LPP: variants seen among roughly 807,000 people sequenced by gnomAD.
LPP encodes lipoma-preferred partner.
Under a neutral mutation model 60.4 loss-of-function variants are expected in LPP, and 38 were observed. The observed-to-expected ratio is 0.63, with a 90% CI of 0.49 to 0.83. The LOEUF is 0.83. Ranked by LOEUF, LPP falls within the 40% of genes least tolerant of loss-of-function variation. LPP has a pLI of 0.00. For missense variants in LPP, 902 were observed against 783.6 expected (o/e 1.15, Z -1.80); for synonymous variants, 328 against 290.8 (o/e 1.13, Z -1.30).
intron 1 of LPP, among the ~76,000 whole-genome samples, chr3:188,198,944 G>C (rs972187666): frequency 1.3e-5 from 2 of 152,172 alleles, no homozygotes; most frequent in African/African-American, 4.8e-5. Flanking sequence ...TACAACAATC[G>C]TTTAGTATGC....
intron 7 of LPP, among the ~76,000 whole-genome samples, chr3:188,704,685 C>A (rs1865128480): frequency 6.6e-6 from 1 of 152,132 alleles, no homozygotes; most frequent in Admixed American, 6.5e-5. Context: ...TGAGAACATG[C>A]AAATATATTC....
intron 5 of LPP, among the ~76,000 whole-genome samples, chr3:188,522,484 C>T (rs545592820): frequency 1.8e-4 from 27 of 152,266 alleles, no homozygotes; most frequent in Admixed American, 1.8e-3. Flanking sequence ...GCCTGTGTCA[C>T]AGTCTGTCAT....
chr3:188,770,830 A>G (rs897932088), intron 9 of LPP, among the ~76,000 whole-genome samples: 2 of 152,216 alleles, frequency 1.3e-5, no homozygotes, highest in African/African-American at 4.8e-5. Flanking sequence ...GCTATTCTGC[A>G]TTCTTCCCTT....
chr3:188,269,333 C>T (rs1035520152), intron 2 of LPP, among the ~76,000 whole-genome samples: 3 of 152,078 alleles, frequency 2.0e-5, no homozygotes, highest in East Asian at 1.9e-4. Context: ...TTGATTTCCC[C>T]GTCTCAAAAT....
chr3:188,183,633 G>A (rs1274438888), intron 1 of LPP, among the ~76,000 whole-genome samples: 1 of 152,026 alleles, frequency 6.6e-6, no homozygotes, highest in East Asian at 1.9e-4. Flanking sequence ...ACGTGGCAAA[G>A]CGGAATAGAA....
intron 4 of LPP, among the ~76,000 whole-genome samples, chr3:188,449,815 ATTATT>A (rs1294989333): frequency 6.6e-6 from 1 of 151,838 alleles, no homozygotes; most frequent in Non-Finnish European, 1.5e-5. Context: ...TATTATTATT[ATTATT>A]TTGAGACAGA....
At chr3:188,433,626 G>GAC (rs1318345744) in intron 4 of LPP, among the ~76,000 whole-genome samples, 2 of 131,538 alleles carry the variant, frequency 1.5e-5, no homozygotes, top group African/African-American at 6.2e-5. Context: ...GAGAGAGAGA[G>GAC]AGGAGAAAGG....
intron 2 of LPP, among the ~76,000 whole-genome samples, chr3:188,263,891 C>A (rs1255611818): frequency 6.6e-6 from 1 of 152,228 alleles, no homozygotes. Context: ...CCAAATCTTA[C>A]GCATTCTTTT....
intron 7 of LPP, among the ~76,000 whole-genome samples, chr3:188,667,142 A>G (rs1855951197): frequency 6.6e-6 from 1 of 152,114 alleles, no homozygotes; most frequent in South Asian, 2.1e-4. Flanking sequence ...AACAAGTGAA[A>G]TAGTCTCAGG....
In LPP at chr3:188,878,107, A is replaced by C; in HGVS notation, c.*3628A>C. On this transcript the variant is annotated 3_prime_UTR_variant, in exon 12 of 12. Coordinates refer to ENST00000617246, the MANE Select transcript of LPP (RefSeq NM_001375462.1). ...ATAGTAGAGAGTTAGTGGAATATAGACAGGACTCTGAAAACACAACTTCCA... is the reference window on the plus strand; with the variant it reads ...ATAGTAGAGAGTTAGTGGAATATAGCCAGGACTCTGAAAACACAACTTCCA... 1 of 221,330 alleles carries C rather than the reference A, an allele frequency of 4.5e-6. No homozygotes were observed. Among genetic ancestry groups the C allele is most frequent in the Non-Finnish European group, 9.1e-6 (1 of 110,310 alleles). The allele number at this position is 221,330 out of a possible 1,614,324, so 13.7% of individuals were successfully genotyped here.
At chr3:188,540,599 C>T (rs1560538541) in intron 6 of LPP, among the ~76,000 whole-genome samples, 2 of 152,106 alleles carry the variant, frequency 1.3e-5, no homozygotes, top group African/African-American at 4.8e-5. Context: ...CATTTTGTGC[C>T]TCAGTTCTTT....
Position 188,882,358 on chromosome 3 carries a change from G to GAA in LPP, c.*7886_*7887dup, listed in dbSNP as rs999147420. 1.2e-3 allele frequency: 270 copies of GAA among 225,840 alleles called. No homozygotes were observed. The highest frequency in any genetic ancestry group is 5.7e-3 in the African/African-American group (257 of 45,028). 14.0% of individuals were successfully genotyped at this position (225,840 alleles called of 1,614,324 possible). A position where few individuals can be genotyped will look rare whatever the true frequency, so the allele number is the denominator to read the frequency against. ...GGATTCTGGAAATTCCTTCTTAACAGAAAAAAAAGGCTTCCAAATAATCAG... is the reference window on the plus strand; with the variant it reads ...GGATTCTGGAAATTCCTTCTTAACAGAAAAAAAAAAGGCTTCCAAATAATCAG... On this transcript the variant is annotated 3_prime_UTR_variant, in exon 12 of 12. Transcript: ENST00000617246.
intron 7 of LPP, among the ~76,000 whole-genome samples, chr3:188,637,055 T>C (rs149471148): frequency 1.3e-5 from 2 of 150,050 alleles, no homozygotes; most frequent in Non-Finnish European, 3.0e-5. Context: ...ATCAACAGAA[T>C]ATACATTTTT....
At chr3:188,761,348 C>A (rs1732281091) in intron 9 of LPP, among the ~76,000 whole-genome samples, 1 of 152,176 alleles carries the variant, frequency 6.6e-6, no homozygotes, top group Non-Finnish European at 1.5e-5. Context: ...TAGCACAGAT[C>A]TGAAAGTTCA....
chr3:188,632,082 T>C (rs1847936500), intron 7 of LPP, among the ~76,000 whole-genome samples: 1 of 152,210 alleles, frequency 6.6e-6, no homozygotes, highest in Non-Finnish European at 1.5e-5. Flanking sequence ...TTTAAAAGTA[T>C]TTATTTTACT....
intron 7 of LPP, among the ~76,000 whole-genome samples, chr3:188,655,008 T>C (rs1402628287): frequency 3.2e-4 from 49 of 152,210 alleles, no homozygotes; most frequent in Admixed American, 3.2e-3. Context: ...AACAAACATA[T>C]GTGTAATATG....
intron 5 of LPP, among the ~76,000 whole-genome samples, chr3:188,511,445 A>C (rs548073825): frequency 6.6e-6 from 1 of 152,024 alleles, no homozygotes; most frequent in East Asian, 1.9e-4. Flanking sequence ...ATGGCAAAAA[A>C]GGGTATTAGA....
chr3:188,538,296 G>C (rs1480260761), intron 6 of LPP, among the ~76,000 whole-genome samples: 1 of 152,166 alleles, frequency 6.6e-6, no homozygotes, highest in African/African-American at 2.4e-5. Flanking sequence ...TGCAAATCAT[G>C]TATCTGTTAA....
At position 188,587,475 on chromosome 3, in the gene LPP, C is replaced by A. The variant is rs80236860; in HGVS notation, c.430-21686C>A. Among the ~76,000 whole-genome samples the A allele has an allele frequency of 9.5e-3, 1,452 of 152,208 alleles. 43 individuals carry two copies. The East Asian group carries it at 0.11, about 12-fold the overall frequency. The stretch of plus-strand genomic sequence containing the variant: ...TACTACACTCCATGGTCTGCAAAAC[C>A]AGAGTGCCAGATGTTAAATTCTATC... On this transcript the variant is annotated intron_variant, in intron 6 of 11. Transcript: ENST00000617246.
Sources: allele counts gnomAD v4.1 joint callset (sites outside exome capture counted in the v4.1 genomes callset), GRCh38; gene constraint gnomAD v4.1.1; transcripts MANE v1.5; gene names NCBI Gene and HGNC (gene_info 2026-07-23, HGNC 2026-07-21).